Variants in EXOC4 observed in about 807,000 individuals in gnomAD.
EXOC4 encodes exocyst complex component 4.
A neutral mutation model predicts 107.2 loss-of-function variants in EXOC4; 71 were observed. The ratio of observed to expected loss-of-function variants is 0.66; its 90% CI spans 0.55 to 0.81. The LOEUF (loss-of-function observed/expected upper bound fraction) is 0.81. Among genes scored for constraint, EXOC4 ranks in the 30% least tolerant of loss-of-function variants. The pLI is 0.00. For synonymous variants in EXOC4, 456 were observed against 441.2 expected, an observed-to-expected ratio of 1.03 and a Z score of -0.42; for missense variants, 1,108 against 1,189.6, an observed-to-expected ratio of 0.93 and a Z score of 1.01.
intron 6 of EXOC4, among the ~76,000 whole-genome samples, chr7:133,362,766 T>G (rs1244984561): frequency 6.6e-6 from 1 of 152,212 alleles, no homozygotes; most frequent in Non-Finnish European, 1.5e-5. Flanking sequence ...ATGATTTTTT[T>G]TAGACCTGTG....
chr7:133,261,488 T>G (rs1433759745), intron 1 of EXOC4, among the ~76,000 whole-genome samples: 1 of 152,196 alleles, frequency 6.6e-6, no homozygotes, highest in East Asian at 1.9e-4. Context: ...CTTGAATTCC[T>G]GGCCTCAAGC....
In EXOC4 at chr7:133,331,470, T is replaced by C. The variant is rs1296502207; in HGVS notation, c.763+14080T>C. Among the ~76,000 whole-genome samples, 196 of 138,000 alleles carry C rather than the reference T, an allele frequency of 1.4e-3. 2 individuals are homozygous for C. Among genetic ancestry groups the C allele is most frequent in the African/African-American group, 4.9e-3 (180 of 37,066 alleles). The allele number at this position is 138,000 out of a possible 152,430, so 90.5% of individuals were successfully genotyped here. A position where few individuals can be genotyped will look rare whatever the true frequency, so the allele number is the denominator to read the frequency against. ...ATCTTCTTTCTTTTTTCTTTTTTTTTTTTTTTTTTTTTTTGAGATGGAGTC... is the reference window on the plus strand; with the variant it reads ...ATCTTCTTTCTTTTTTCTTTTTTTTCTTTTTTTTTTTTTTGAGATGGAGTC... On this transcript the variant is annotated intron_variant, in intron 5 of 17. Coordinates refer to ENST00000253861, the MANE Select transcript of EXOC4 (RefSeq NM_021807.4).
chr7:133,516,758 A>ATTTTTTTTTTTTTTTTTTTT (rs780319592), intron 9 of EXOC4, among the ~76,000 whole-genome samples: 6,529 of 48,922 alleles, frequency 0.13, 2,338 homozygotes, highest in Middle Eastern at 0.21. Context: ...CTAGCTGCTC[A>ATTTTTTTTTTTTTTTTTTTT]TTTTTTTTTT....
chr7:133,801,827 A>G (rs770757005), intron 10 of EXOC4, among the ~76,000 whole-genome samples: 4 of 152,198 alleles, frequency 2.6e-5, no homozygotes, highest in Admixed American at 1.3e-4. Flanking sequence ...CCTTTCCTGT[A>G]TAAATTAACA....
chr7:133,739,584 C>T, intron 10 of EXOC4, among the ~76,000 whole-genome samples: 1 of 152,194 alleles, frequency 6.6e-6, no homozygotes, highest in East Asian at 1.9e-4. Context: ...GTTGGAGCAG[C>T]TGCCTCATGA....
At chr7:133,873,747 C>T (rs934229793) in intron 11 of EXOC4, among the ~76,000 whole-genome samples, 1 of 152,118 alleles carries the variant, frequency 6.6e-6, no homozygotes, top group Admixed American at 6.6e-5. Flanking sequence ...TGAAAACTAT[C>T]GTACATTCTA....
At chr7:133,386,641 A>G (rs1796733817) in intron 7 of EXOC4, among the ~76,000 whole-genome samples, 1 of 152,216 alleles carries the variant, frequency 6.6e-6, no homozygotes, top group Non-Finnish European at 1.5e-5. Context: ...ACGTGTATGC[A>G]AAGCTTAATT....
chr7:133,600,167 G>T (rs1345525095), intron 9 of EXOC4, among the ~76,000 whole-genome samples: 1 of 152,152 alleles, frequency 6.6e-6, no homozygotes, highest in Non-Finnish European at 1.5e-5. Context: ...CTCCCGAAGT[G>T]CTGAGATAAG....
rs562967269 is a variant in EXOC4, at chr7:133,353,425, T to C, written c.764-2905T>C. Among the ~76,000 whole-genome samples, 4 of 152,120 alleles carry C rather than the reference T, an allele frequency of 2.6e-5. No homozygotes were observed. In the South Asian group the frequency reaches 8.3e-4, roughly 32 times the overall value. On this transcript the variant is annotated intron_variant, in intron 5 of 17. Coordinates refer to ENST00000253861, the MANE Select transcript of EXOC4 (RefSeq NM_021807.4). ...TGATACAGAATTCTTGGTTGACAGT[T>C]TTTTTATTTGTTTGTTTGTTTGTTT...
chr7:133,561,025 G>T (rs1259829826), intron 9 of EXOC4, among the ~76,000 whole-genome samples: 1 of 151,986 alleles, frequency 6.6e-6, no homozygotes, highest in Non-Finnish European at 1.5e-5. Flanking sequence ...CCTTGCTCTG[G>T]TAGTCACAAG....
chr7:133,295,842 A>G lies in EXOC4; in HGVS notation c.471+6726A>G, dbSNP rs546366337. Reference sequence around the variant, plus strand: ...CTGGCTTGAAAGTTTCTGAGATCTCACAGAACTGTTTTTTCTTATTACTCT... The same window carrying G: ...CTGGCTTGAAAGTTTCTGAGATCTCGCAGAACTGTTTTTTCTTATTACTCT... On this transcript the variant is annotated intron_variant, in intron 3 of 17. Coordinates refer to ENST00000253861, the MANE Select transcript of EXOC4 (RefSeq NM_021807.4). Among the ~76,000 whole-genome samples, 20 of 152,278 alleles carry G rather than the reference A, an allele frequency of 1.3e-4. No homozygotes were observed. In the South Asian group the frequency reaches 4.1e-3, roughly 32 times the overall value.
At chr7:133,687,198 T>C (rs1457312455) in intron 10 of EXOC4, among the ~76,000 whole-genome samples, 1 of 151,920 alleles carries the variant, frequency 6.6e-6, no homozygotes, top group Non-Finnish European at 1.5e-5. Flanking sequence ...AAATGGGAGC[T>C]AAGCTATGAG....
chr7:133,541,580 G>C (rs1374784257), intron 9 of EXOC4, among the ~76,000 whole-genome samples: 1 of 152,016 alleles, frequency 6.6e-6, no homozygotes, highest in African/African-American at 2.4e-5. Context: ...GCTCACTGCA[G>C]CCTCAACCTC....
At chr7:133,409,023 C>A (rs1215723274) in intron 7 of EXOC4, among the ~76,000 whole-genome samples, 2 of 152,032 alleles carry the variant, frequency 1.3e-5, no homozygotes, top group Non-Finnish European at 2.9e-5. Flanking sequence ...GGAGTGACTG[C>A]ATAAAAAAAG....
chr7:133,305,242 C>T (rs1194123045), intron 3 of EXOC4, among the ~76,000 whole-genome samples: 1 of 152,154 alleles, frequency 6.6e-6, no homozygotes, highest in African/African-American at 2.4e-5. Flanking sequence ...CCGGGAGTAT[C>T]TTCCTCTTCA....
rs1795059931 is a variant in EXOC4 at position 133,319,412 on chromosome 7, T to C, written c.763+2022T>C. Among the ~76,000 whole-genome samples, 5 of 152,340 alleles carry C rather than the reference T, an allele frequency of 3.3e-5. No homozygotes were observed. In the South Asian group the frequency reaches 1.0e-3, roughly 32 times the overall value. ...TTTTGGTATTATTAGGAATTACTGTTGAAGAACTGCTTGGTAGTTGACTGG... is the reference window on the plus strand; with the variant it reads ...TTTTGGTATTATTAGGAATTACTGTCGAAGAACTGCTTGGTAGTTGACTGG... On this transcript the variant is annotated intron_variant, in intron 5 of 17. Transcript: ENST00000253861.
At chr7:134,028,182 A>G (rs1197089160) in intron 17 of EXOC4, among the ~76,000 whole-genome samples, 1 of 152,222 alleles carries the variant, frequency 6.6e-6, no homozygotes, top group Non-Finnish European at 1.5e-5. Flanking sequence ...ACCTTCTCTA[A>G]TACTAGAGTA....
At chr7:133,921,688 T>A (rs1799940443) in intron 13 of EXOC4, among the ~76,000 whole-genome samples, 1 of 152,106 alleles carries the variant, frequency 6.6e-6, no homozygotes, top group Non-Finnish European at 1.5e-5. Context: ...CTGCTTGGTG[T>A]TTTCTGAGCC....
intron 2 of EXOC4, among the ~76,000 whole-genome samples, chr7:133,276,083 CTT>C (rs1357905260): frequency 6.6e-6 from 1 of 152,020 alleles, no homozygotes; most frequent in Non-Finnish European, 1.5e-5. Flanking sequence ...ATTTTTCTCT[CTT>C]TTTCTCTTCC....
Sources: gnomAD v4.1 joint callset for allele counts (sites outside exome capture counted in the v4.1 genomes callset) on GRCh38, gnomAD v4.1.1 for gene constraint, MANE v1.5 for transcripts, NCBI Gene and HGNC (gene_info 2026-07-23, HGNC 2026-07-21) for gene names.